ZNF793: variants seen among roughly 807,000 people sequenced by gnomAD.
ZNF793 encodes the protein zinc finger protein 793.
ZNF793 carries 5 observed loss-of-function variants against 12.4 expected under a neutral mutation model. That is an observed-to-expected ratio of 0.40 (90% confidence interval 0.21 to 0.84). The LOEUF (loss-of-function observed/expected upper bound fraction) is 0.84. Among genes scored for constraint, ZNF793 ranks in the 40% least tolerant of loss-of-function variants. The pLI is 0.35. For synonymous variants in ZNF793, 162 were observed against 172.4 expected (o/e 0.94, Z 0.47); for missense variants, 456 against 495.0 (o/e 0.92, Z 0.75).
At chr19:37,536,873 G>C in intron 7 of ZNF793, 24 bp from the exon 8 acceptor site, 1 of 1,572,444 alleles carries the variant, frequency 6.4e-7, no homozygotes, top group Non-Finnish European at 8.6e-7. Context: ...GTTTCATAAG[G>C]ATGATTCACT....
intron 2 of ZNF793, among the ~76,000 whole-genome samples, chr19:37,516,292 AC>A (rs2042331708): frequency 1.3e-5 from 2 of 151,906 alleles, no homozygotes; most frequent in African/African-American, 4.8e-5. Context: ...GTGCTGCTAC[AC>A]CCGGCTAATT....
intron 3 of ZNF793, among the ~76,000 whole-genome samples, chr19:37,522,243 G>T (rs2042381717): frequency 6.6e-6 from 1 of 152,074 alleles, no homozygotes; most frequent in Non-Finnish European, 1.5e-5. Context: ...TGTCACCCAG[G>T]TTGGAGTGCA....
chr19:37,527,541 G>C (rs1278487482), intron 5 of ZNF793, among the ~76,000 whole-genome samples: 1 of 152,162 alleles, frequency 6.6e-6, no homozygotes, highest in Non-Finnish European at 1.5e-5. Context: ...CCATTGAACA[G>C]ATGAGGAAAC....
rs920746233 is a variant in ZNF793 at position 37,528,284 on chromosome 19, C to T, written c.16-4072C>T. ...CAGCAGTAATGTGTGCCAATACAGA[C>T]GGAGCCTTGCCAACCAGGAAAGTGC... On this transcript the variant is annotated intron_variant, in intron 5 of 7. Transcript: ENST00000627814. Among the ~76,000 whole-genome samples the T allele has an allele frequency of 5.3e-5, 8 of 152,244 alleles. No homozygotes were observed. The East Asian group carries it at 7.7e-4, about 15-fold the overall frequency.
Position 37,506,943 on chromosome 19 carries a change from A to C in ZNF793, c.-438A>C, listed in dbSNP as rs1489270153. 1 of 152,236 alleles carries C rather than the reference A, an allele frequency of 6.6e-6. No individual in the cohort carries two copies. The highest frequency in any genetic ancestry group is 1.5e-5 in the Non-Finnish European group (1 of 68,064). 9.4% of individuals were successfully genotyped at this position (152,236 alleles called of 1,614,324 possible). On this transcript the variant is annotated 5_prime_UTR_variant, in exon 1 of 8. Coordinates refer to ENST00000627814, the MANE Select transcript of ZNF793 (RefSeq NM_001013659.3). ...AATTGAGTCTGCGCACCGGCCATTC[A>C]GGATGGGACGACCTTATACCGCGGT...
intron 5 of ZNF793, among the ~76,000 whole-genome samples, chr19:37,530,750 A>T (rs1234861569): frequency 6.6e-6 from 1 of 152,122 alleles, no homozygotes; most frequent in Non-Finnish European, 1.5e-5. Flanking sequence ...TAACAATCTG[A>T]TCTCTCTTTT....
chr19:37,512,386 G>A (rs552490930), intron 2 of ZNF793, among the ~76,000 whole-genome samples: 11 of 151,980 alleles, frequency 7.2e-5, no homozygotes, highest in South Asian at 2.1e-4. Flanking sequence ...GTGGTGGTGC[G>A]TGCCTGTAGT....
chr19:37,507,050 C>CT (rs1261134780), intron 1 of ZNF793, 84 bp downstream of exon 1: 2 of 152,086 alleles, frequency 1.3e-5, no homozygotes, highest in Non-Finnish European at 2.9e-5. Flanking sequence ...GAGAAACGGT[C>CT]AAACCTGGGA....
chr19:37,532,015 A>T (rs4803210), intron 5 of ZNF793, among the ~76,000 whole-genome samples: 56,006 of 143,784 alleles, frequency 0.39, 13,721 homozygotes, highest in East Asian at 0.77. Context: ...CTTGCACAAA[A>T]TTTTTTTTTT....
chr19:37,521,529 A>G (rs574336042), intron 3 of ZNF793, among the ~76,000 whole-genome samples: 1 of 138,758 alleles, frequency 7.2e-6, no homozygotes, highest in African/African-American at 2.8e-5. Context: ...TCCACCTCCC[A>G]GGTTCAAGGG....
At chr19:37,523,086 A>T (rs1215919631) in intron 4 of ZNF793, among the ~76,000 whole-genome samples, 1 of 152,152 alleles carries the variant, frequency 6.6e-6, no homozygotes, top group Non-Finnish European at 1.5e-5. Flanking sequence ...CAGTAGTGGG[A>T]TCATGGCTCA....
intron 2 of ZNF793, among the ~76,000 whole-genome samples, chr19:37,512,617 C>G (rs568604991): frequency 6.6e-6 from 1 of 152,218 alleles, no homozygotes; most frequent in South Asian, 2.1e-4. Context: ...TAGAGACTTT[C>G]TTTTTCTGTC....
At chr19:37,516,977 A>T (rs571537952) in intron 2 of ZNF793, among the ~76,000 whole-genome samples, 2 of 152,270 alleles carry the variant, frequency 1.3e-5, no homozygotes, top group South Asian at 4.1e-4. Context: ...AAAGATAATG[A>T]TTGACCTTCA....
chr19:37,523,293 A>T, intron 4 of ZNF793, 117 bp from the exon 5 acceptor site: 1 of 815,080 alleles, frequency 1.2e-6, no homozygotes, highest in Non-Finnish European at 2.0e-6. Flanking sequence ...AGCTAAAAGC[A>T]TGGATTTTTG....
At chr19:37,520,993 T>C (rs2042370595) in intron 3 of ZNF793, among the ~76,000 whole-genome samples, 1 of 151,856 alleles carries the variant, frequency 6.6e-6, no homozygotes, top group Admixed American at 6.6e-5. Flanking sequence ...CCGGCTAATT[T>C]TTTTTTTTTT....
rs189593236 is a variant in ZNF793, at chr19:37,539,982, G to A, written c.*2103G>A. The stretch of plus-strand genomic sequence containing the variant: ...TTAACACCAAAATCAAATACAGATA[G>A]TTGAAAAAAGAAAACTTCTGCTGGG... On this transcript the variant is annotated 3_prime_UTR_variant, in exon 8 of 8. Coordinates refer to ENST00000627814, the MANE Select transcript of ZNF793 (RefSeq NM_001013659.3). The A allele has an allele frequency of 6.6e-6, 1 of 152,110 alleles. No homozygotes were observed. The highest frequency in any genetic ancestry group is 1.9e-4 in the East Asian group (1 of 5,164). 9.4% of individuals were successfully genotyped at this position (152,110 alleles called of 1,614,324 possible). A position where few individuals can be genotyped will look rare whatever the true frequency, so the allele number is the denominator to read the frequency against.
In ZNF793 at chr19:37,541,215, G is replaced by A. The variant is rs1178526780; in HGVS notation, c.*3336G>A. The A allele has an allele frequency of 6.6e-6, 1 of 151,900 alleles. No homozygotes were observed. Among genetic ancestry groups the A allele is most frequent in the Non-Finnish European group, 1.5e-5 (1 of 68,002 alleles). 9.4% of individuals were successfully genotyped at this position (151,900 alleles called of 1,614,324 possible). On this transcript the variant is annotated 3_prime_UTR_variant, in exon 8 of 8. Coordinates refer to ENST00000627814, the MANE Select transcript of ZNF793 (RefSeq NM_001013659.3). ...TGGAACAGAACCTTTTAATCTTAAA[G>A]GAAGAAAATTTGGATTAACAGCACA...
rs538384663 is a variant in ZNF793, at chr19:37,518,995, G to A, written c.-275-1189G>A. Among the ~76,000 whole-genome samples the A allele has an allele frequency of 1.9e-3, 294 of 152,092 alleles. 1 individual carries two copies. The highest frequency in any genetic ancestry group is 6.7e-3 in the African/African-American group (279 of 41,492). Reference sequence around the variant, plus strand: ...TAAAAATTCTGATAGGGCTGGGCGCGGTGGCTCACGCCTGTAATCTCAGCA... The same window carrying A: ...TAAAAATTCTGATAGGGCTGGGCGCAGTGGCTCACGCCTGTAATCTCAGCA... On this transcript the variant is annotated intron_variant, in intron 2 of 7. Transcript: ENST00000627814.
chr19:37,537,199 C>T lies in ZNF793; in HGVS notation c.541C>T (p.Arg181Ter), dbSNP rs202041227. ...KLLQRINHGRRPNGEKPRGCS... is the reference protein window; with the variant it reads ...KLLQRINHGR ...GCTTCAGCGTATAAATCATGGTAGA[C>T]GACCTAATGGAGAAAAGCCCCGGGG... The change falls in exon 8 of 8, where the codon CGA becomes TGA. Residue 181 changes from arginine to a stop codon, truncating the protein, a stop_gained. Coordinates refer to ENST00000627814, the MANE Select transcript of ZNF793 (RefSeq NM_001013659.3). LOFTEE classifies it low-confidence loss of function (END_TRUNC). 25 of 1,613,572 alleles carry T rather than the reference C, an allele frequency of 1.5e-5. No homozygotes were observed. The highest frequency in any genetic ancestry group is 5.3e-5 in the African/African-American group (4 of 74,920).
Sources: gnomAD v4.1 joint callset for allele counts (sites outside exome capture counted in the v4.1 genomes callset) on GRCh38, gnomAD v4.1.1 for gene constraint, MANE v1.5 for transcripts, NCBI Gene and HGNC (gene_info 2026-07-23, HGNC 2026-07-21) for gene names.